SLCO2A1: variants seen among roughly 807,000 people sequenced by gnomAD.
SLCO2A1 encodes solute carrier organic anion transporter family member 2A1.
In SLCO2A1, 60 loss-of-function variants were observed where a neutral mutation model predicts 71.7. The ratio of observed to expected loss-of-function variants is 0.84; its 90% CI spans 0.68 to 1.04. The LOEUF (loss-of-function observed/expected upper bound fraction) is 1.04, where lower values mean the gene tolerates loss of function less well. Among genes scored for constraint, SLCO2A1 ranks in the 50% least tolerant of loss-of-function variants. The pLI is 0.00. For missense variants in SLCO2A1, 745 were observed against 813.4 expected, an observed-to-expected ratio of 0.92 and a Z score of 1.02; for synonymous variants, 308 against 326.7, an observed-to-expected ratio of 0.94 and a Z score of 0.62.
At chr3:134,020,424 T>C (rs1935548840) in intron 1 of SLCO2A1, among the ~76,000 whole-genome samples, 1 of 152,152 alleles carries the variant, frequency 6.6e-6, no homozygotes, top group Non-Finnish European at 1.5e-5. Flanking sequence ...GTGCAACATC[T>C]CGGCGGGGGA....
At chr3:133,976,394 A>G (rs1306638915) in intron 2 of SLCO2A1, among the ~76,000 whole-genome samples, 2 of 152,164 alleles carry the variant, frequency 1.3e-5, no homozygotes, top group African/African-American at 4.8e-5. Context: ...GGTGAGGGTC[A>G]GTGGAGGGCC....
intron 1 of SLCO2A1, among the ~76,000 whole-genome samples, chr3:134,022,206 G>A (rs902864531): frequency 7.2e-5 from 11 of 152,070 alleles, no homozygotes; most frequent in Non-Finnish European, 1.3e-4. Context: ...GAGGCATGTC[G>A]AAGAATTATC....
chr3:133,935,098 TGCCCCA>T (rs1933235990), intron 13 of SLCO2A1, among the ~76,000 whole-genome samples: 1 of 152,128 alleles, frequency 6.6e-6, no homozygotes, highest in Non-Finnish European at 1.5e-5. Flanking sequence ...GTGACCCAGC[TGCCCCA>T]GCCACCCCCA....
At chr3:133,974,663 C>T (rs1313247368) in intron 2 of SLCO2A1, among the ~76,000 whole-genome samples, 1 of 152,208 alleles carries the variant, frequency 6.6e-6, no homozygotes, top group African/African-American at 2.4e-5. Flanking sequence ...CTGAGCCCCA[C>T]CCAGAACCAG....
rs549031058 is a variant in SLCO2A1, at chr3:133,993,335, C to A, written c.97-13717G>T. Among the ~76,000 whole-genome samples, 6 of 152,298 alleles carry A rather than the reference C, an allele frequency of 3.9e-5. No individual in the cohort carries two copies. In the South Asian group the frequency reaches 1.0e-3, roughly 26 times the overall value. ...GTGTTGTGTTTCTTTTCTAATGGTG[C>A]CCTGTTCAAAGCTCAGGAGTAGGAA... is the stretch of plus-strand genomic sequence containing the variant. On this transcript the variant is annotated intron_variant, in intron 1 of 13. Transcript: ENST00000310926.
At chr3:133,992,360 T>C (rs941109181) in intron 1 of SLCO2A1, among the ~76,000 whole-genome samples, 1 of 152,194 alleles carries the variant, frequency 6.6e-6, no homozygotes, top group Non-Finnish European at 1.5e-5. Context: ...TGAAGGAAGA[T>C]AGAGCACAAG....
At chr3:134,014,642 CA>C (rs1935408293) in intron 1 of SLCO2A1, among the ~76,000 whole-genome samples, 1 of 152,174 alleles carries the variant, frequency 6.6e-6, no homozygotes. Flanking sequence ...AACTTAACAT[CA>C]TGAGATAAGA....
At chr3:134,011,663 C>T (rs1176183867) in intron 1 of SLCO2A1, among the ~76,000 whole-genome samples, 2 of 152,234 alleles carry the variant, frequency 1.3e-5, no homozygotes, top group Admixed American at 6.5e-5. Flanking sequence ...CCATAAGACC[C>T]GTTCCCACTA....
chr3:133,974,886 G>C (rs1314813254), intron 2 of SLCO2A1, among the ~76,000 whole-genome samples: 1 of 152,230 alleles, frequency 6.6e-6, no homozygotes, highest in Non-Finnish European at 1.5e-5. Flanking sequence ...CCTATGTCAG[G>C]AAACAGAGGC....
At chr3:133,949,343 G>T in intron 6 of SLCO2A1, 1 of 255,888 alleles carries the variant, frequency 3.9e-6, no homozygotes, top group South Asian at 5.0e-5. Context: ...GGGGATACTG[G>T]CTTCTGGGAC....
At chr3:133,959,772 G>A (rs1933988067) in intron 3 of SLCO2A1, among the ~76,000 whole-genome samples, 1 of 151,998 alleles carries the variant, frequency 6.6e-6, no homozygotes, top group South Asian at 2.1e-4. Flanking sequence ...ACTGCAGTGA[G>A]CCAAGATCCT....
chr3:133,960,326 T>C (rs891841832), intron 3 of SLCO2A1, among the ~76,000 whole-genome samples: 2 of 152,124 alleles, frequency 1.3e-5, no homozygotes, highest in African/African-American at 4.8e-5. Flanking sequence ...AACAGATGAA[T>C]GGGTAAACAA....
intron 1 of SLCO2A1, among the ~76,000 whole-genome samples, chr3:134,025,811 T>C (rs1339789783): frequency 6.6e-6 from 1 of 152,180 alleles, no homozygotes; most frequent in Non-Finnish European, 1.5e-5. Flanking sequence ...TAGGAATCAA[T>C]GGGGCTGGAC....
intron 1 of SLCO2A1, among the ~76,000 whole-genome samples, chr3:134,024,134 G>A (rs2108080971): frequency 6.6e-6 from 1 of 152,324 alleles, no homozygotes; most frequent in South Asian, 2.1e-4. Flanking sequence ...TGGTATTGTG[G>A]TGGACCTTTA....
At chr3:133,988,635 C>T (rs938051281) in intron 1 of SLCO2A1, among the ~76,000 whole-genome samples, 2 of 152,136 alleles carry the variant, frequency 1.3e-5, no homozygotes, top group South Asian at 2.1e-4. Context: ...CTCTTTTTGT[C>T]GACAACAGGA....
intron 3 of SLCO2A1, among the ~76,000 whole-genome samples, chr3:133,969,319 A>C (rs1286850529): frequency 6.6e-6 from 1 of 152,122 alleles, no homozygotes; most frequent in Non-Finnish European, 1.5e-5. Context: ...AGTCCCAGCT[A>C]CTCGGGAGGA....
At chr3:133,965,103 G>C (rs965950422) in intron 3 of SLCO2A1, among the ~76,000 whole-genome samples, 8 of 151,834 alleles carry the variant, frequency 5.3e-5, no homozygotes, top group African/African-American at 1.9e-4. Context: ...TATTCAGTAA[G>C]CTGATGAGAA....
At chr3:133,959,491 A>G (rs1353814964) in intron 3 of SLCO2A1, among the ~76,000 whole-genome samples, 1 of 151,982 alleles carries the variant, frequency 6.6e-6, no homozygotes, top group East Asian at 1.9e-4. Flanking sequence ...GGTGTAGCCA[A>G]TGTGGGAAGA....
intron 1 of SLCO2A1, among the ~76,000 whole-genome samples, chr3:134,021,603 C>A (rs1397153764): frequency 3.4e-5 from 5 of 149,070 alleles, no homozygotes; most frequent in Admixed American, 1.3e-4. Flanking sequence ...AGAAAAGAGG[C>A]AAAGAGAGAG....
Sources: gnomAD v4.1 joint callset for allele counts (sites outside exome capture counted in the v4.1 genomes callset) on GRCh38, gnomAD v4.1.1 for gene constraint, MANE v1.5 for transcripts, NCBI Gene and HGNC (gene_info 2026-07-23, HGNC 2026-07-21) for gene names.